The following TMEM132C variants were observed in gnomAD, a reference collection of about 807,000 sequenced individuals.
TMEM132C encodes the protein transmembrane protein 132C.
Under a neutral mutation model 61.4 loss-of-function variants are expected in TMEM132C, and 29 were observed. The observed-to-expected ratio is 0.47, with a 90% CI of 0.35 to 0.64. TMEM132C has a LOEUF of 0.64. TMEM132C is among the 30% of genes least tolerant of loss of function. The pLI is 0.00. For missense variants in TMEM132C, 1,408 were observed against 1,476.9 expected, an observed-to-expected ratio of 0.95 and a Z score of 0.76; for synonymous variants, 656 against 633.1, an observed-to-expected ratio of 1.04 and a Z score of -0.54.
chr12:128,304,528 G>C (rs185039675), intron 1 of TMEM132C, among the ~76,000 whole-genome samples: 77 of 152,138 alleles, frequency 5.1e-4, no homozygotes, highest in Non-Finnish European at 7.2e-4. Context: ...AGAATCGCTC[G>C]AACCCAGGAG....
intron 2 of TMEM132C, among the ~76,000 whole-genome samples, chr12:128,499,829 G>C (rs1394195999): frequency 6.6e-6 from 1 of 152,116 alleles, no homozygotes; most frequent in Non-Finnish European, 1.5e-5. Context: ...TGCTTATTGT[G>C]AATACTGCTG....
rs534832811 is a variant in TMEM132C, at chr12:128,389,288, A to G, written c.86-25444A>G. Among the ~76,000 whole-genome samples the G allele has an allele frequency of 1.2e-4, 18 of 152,338 alleles. 1 individual carries two copies. In the South Asian group the frequency reaches 2.3e-3, roughly 19 times the overall value. On this transcript the variant is annotated intron_variant, in intron 1 of 8. Transcript: ENST00000435159. ...GTAGGAAAAGAGAGACACTAAGCAA[A>G]GAAAACAGCAAAAAACAAAGATCAT...
chr12:128,510,341 C>T (rs915286830), intron 2 of TMEM132C, among the ~76,000 whole-genome samples: 3 of 152,178 alleles, frequency 2.0e-5, no homozygotes, highest in Non-Finnish European at 2.9e-5. Context: ...CTTTGCACAT[C>T]GATCACCATC....
At chr12:128,553,837 A>G (rs557892512) in intron 3 of TMEM132C, among the ~76,000 whole-genome samples, 1 of 152,264 alleles carries the variant, frequency 6.6e-6, no homozygotes, top group South Asian at 2.1e-4. Context: ...CTGGCACCAG[A>G]TGAGTGAAGG....
At chr12:128,365,993 C>T (rs965618845) in intron 1 of TMEM132C, among the ~76,000 whole-genome samples, 3 of 152,234 alleles carry the variant, frequency 2.0e-5, no homozygotes, top group Non-Finnish European at 4.4e-5. Context: ...CTGCTGTAAA[C>T]TCAGCTGGAT....
chr12:128,583,808 G>T (rs1875438602), intron 3 of TMEM132C, among the ~76,000 whole-genome samples: 1 of 152,208 alleles, frequency 6.6e-6, no homozygotes. Context: ...CATGAAGCTG[G>T]CCTCCTTGGC....
chr12:128,532,194 A>G (rs111386286), intron 2 of TMEM132C, among the ~76,000 whole-genome samples: 1 of 152,122 alleles, frequency 6.6e-6, no homozygotes, highest in Non-Finnish European at 1.5e-5. Flanking sequence ...GTATTTTGAT[A>G]TGCTTCTTTC....
intron 1 of TMEM132C, among the ~76,000 whole-genome samples, chr12:128,357,203 A>G (rs1457520620): frequency 6.6e-6 from 1 of 152,114 alleles, no homozygotes; most frequent in East Asian, 1.9e-4. Flanking sequence ...CCTGTGGCCC[A>G]CCAAACTCAG....
chr12:128,705,080 G>T lies in TMEM132C; in HGVS notation c.2122-10G>T. 6.6e-7 allele frequency: 1 copy of T among 1,514,356 alleles called. No homozygotes were observed. The highest frequency in any genetic ancestry group is 1.3e-5 in the South Asian group (1 of 79,888). The allele number at this position is 1,514,356 out of a possible 1,614,324, so 93.8% of individuals were successfully genotyped here. ...CCCAGGTGGTCTTCTAACTGCCTGT[G>T]TCCCTGCAGGAGGCTGTATTCAGCA... On this transcript the variant is annotated splice_polypyrimidine_tract_variant and intron_variant, in intron 8 of 8. Coordinates refer to ENST00000435159, the MANE Select transcript of TMEM132C (RefSeq NM_001136103.3).
At chr12:128,332,290 T>C (rs1872683931) in intron 1 of TMEM132C, among the ~76,000 whole-genome samples, 1 of 152,236 alleles carries the variant, frequency 6.6e-6, no homozygotes, top group South Asian at 2.1e-4. Context: ...GAAGAAGGTA[T>C]GCCTCCCTGT....
At chr12:128,691,746 T>C (rs1374297439) in intron 5 of TMEM132C, among the ~76,000 whole-genome samples, 1 of 151,758 alleles carries the variant, frequency 6.6e-6, no homozygotes, top group African/African-American at 2.4e-5. Context: ...TACCCATTTG[T>C]CCACCACCCA....
chr12:128,545,399 A>C (rs1332778884), intron 3 of TMEM132C, among the ~76,000 whole-genome samples: 1 of 152,124 alleles, frequency 6.6e-6, no homozygotes, highest in African/African-American at 2.4e-5. Context: ...TGTCTTTGCT[A>C]TTGTGAACAG....
intron 2 of TMEM132C, among the ~76,000 whole-genome samples, chr12:128,451,652 T>C (rs2136058171): frequency 6.6e-6 from 1 of 152,276 alleles, no homozygotes; most frequent in Middle Eastern, 3.4e-3. Flanking sequence ...GCACTTTCGG[T>C]CTGTACAAAC....
At chr12:128,518,821 G>A (rs1050830051) in intron 2 of TMEM132C, among the ~76,000 whole-genome samples, 12 of 152,076 alleles carry the variant, frequency 7.9e-5, no homozygotes, top group Non-Finnish European at 1.6e-4. Flanking sequence ...GCAAAAGACT[G>A]CATGGTTTGA....
At chr12:128,336,564 T>C (rs1181204374) in intron 1 of TMEM132C, among the ~76,000 whole-genome samples, 1 of 152,172 alleles carries the variant, frequency 6.6e-6, no homozygotes, top group East Asian at 1.9e-4. Context: ...ATATGTATCA[T>C]TTTTTTCTCA....
At position 128,577,033 on chromosome 12, in the gene TMEM132C, T is replaced by G. The variant is rs1381493260; in HGVS notation, c.1121+32930T>G. Among the ~76,000 whole-genome samples the G allele has an allele frequency of 2.0e-5, 3 of 152,216 alleles. No homozygotes were observed. The East Asian group carries it at 5.8e-4, about 29-fold the overall frequency. ...TCACCACTGTTTAATTCTTAAACAT[T>G]TTCATCACCTCAAAAGGCAACCCCA... On this transcript the variant is annotated intron_variant, in intron 3 of 8. Transcript: ENST00000435159.
At chr12:128,395,349 T>A (rs747642008) in intron 1 of TMEM132C, among the ~76,000 whole-genome samples, 3 of 152,270 alleles carry the variant, frequency 2.0e-5, no homozygotes, top group African/African-American at 7.2e-5. Context: ...TGTGTAATAA[T>A]GGTAACTATC....
intron 4 of TMEM132C, among the ~76,000 whole-genome samples, chr12:128,655,395 A>G (rs1364753578): frequency 6.6e-6 from 1 of 152,148 alleles, no homozygotes; most frequent in African/African-American, 2.4e-5. Context: ...TCACCTGATT[A>G]TGTAAATCAC....
chr12:128,562,192 A>G (rs1465625618), intron 3 of TMEM132C, among the ~76,000 whole-genome samples: 1 of 152,208 alleles, frequency 6.6e-6, no homozygotes, highest in Non-Finnish European at 1.5e-5. Context: ...AATGACACCC[A>G]AGCCTCTTAA....
Sources: gnomAD v4.1 joint callset for allele counts (sites outside exome capture counted in the v4.1 genomes callset) on GRCh38, gnomAD v4.1.1 for gene constraint, MANE v1.5 for transcripts, NCBI Gene and HGNC (gene_info 2026-07-23, HGNC 2026-07-21) for gene names.